AKR1B15: variants seen among roughly 807,000 people sequenced by gnomAD.
The protein encoded by AKR1B15 is estradiol 17-beta-dehydrogenase AKR1B15.
Under a neutral mutation model 38.5 loss-of-function variants are expected in AKR1B15, and 49 were observed. That is an observed-to-expected ratio of 1.27 (90% CI 1.01 to 1.62). The LOEUF (loss-of-function observed/expected upper bound fraction) is 1.62, where lower values mean the gene tolerates loss of function less well. AKR1B15 is among the 40% of genes most tolerant of loss of function. AKR1B15 has a pLI of 0.00. For synonymous variants in AKR1B15, 137 were observed against 135.5 expected, an observed-to-expected ratio of 1.01 and a Z score of -0.08; for missense variants, 411 against 381.6, an observed-to-expected ratio of 1.08 and a Z score of -0.64.
At chr7:134,575,010 C>T (rs2117668895) in intron 6 of AKR1B15, among the ~76,000 whole-genome samples, 1 of 152,330 alleles carries the variant, frequency 6.6e-6, no homozygotes, top group East Asian at 1.9e-4. Context: ...GTACAATGTA[C>T]ACACACAACA....
intron 1 of AKR1B15, among the ~76,000 whole-genome samples, chr7:134,553,088 T>A (rs1379282481): frequency 1.3e-5 from 2 of 152,244 alleles, no homozygotes; most frequent in East Asian, 3.9e-4. Context: ...ACCTAGGGTA[T>A]GAGACAAATG....
intron 2 of AKR1B15, among the ~76,000 whole-genome samples, chr7:134,561,495 C>T (rs1000800411): frequency 1.3e-5 from 2 of 152,178 alleles, no homozygotes; most frequent in African/African-American, 4.8e-5. Flanking sequence ...GTGTGAGACA[C>T]CATGCCCGGA....
At chr7:134,574,953 T>C (rs1169312485) in intron 6 of AKR1B15, among the ~76,000 whole-genome samples, 3 of 152,238 alleles carry the variant, frequency 2.0e-5, no homozygotes, top group Non-Finnish European at 4.4e-5. Context: ...GGCTTCTCCG[T>C]ATGCTGCAGC....
chr7:134,565,233 C>T (rs552821300), intron 3 of AKR1B15: 12 of 533,042 alleles, frequency 2.3e-5, no homozygotes, highest in African/African-American at 9.5e-5. Flanking sequence ...ACGATCACCA[C>T]GACAGTCTGC....
rs752952063 is a variant in AKR1B15, at chr7:134,568,371, A to G, written c.318+46A>G. 3.7e-6 allele frequency: 6 copies of G among 1,606,592 alleles called. No homozygotes were observed. The Admixed American group carries it at 5.1e-5, about 14-fold the overall frequency. ...GGGAGGCCTTCACTTCAAGGCAGGCAGAAGTATCTGGATCGGGTGGGCAGC... is the reference window on the plus strand; with the variant it reads ...GGGAGGCCTTCACTTCAAGGCAGGCGGAAGTATCTGGATCGGGTGGGCAGC... On this transcript the variant is annotated intron_variant, in intron 4 of 11. Coordinates refer to ENST00000457545, the MANE Select transcript of AKR1B15 (RefSeq NM_001080538.3).
At chr7:134,565,366 C>A in intron 3 of AKR1B15, 2 of 1,530,052 alleles carry the variant, frequency 1.3e-6, no homozygotes, top group Non-Finnish European at 1.8e-6. Flanking sequence ...TGTGAAGGTC[C>A]ACGGCTTCAT....
chr7:134,570,918 C>T (rs931590823), intron 5 of AKR1B15, among the ~76,000 whole-genome samples: 1 of 152,250 alleles, frequency 6.6e-6, no homozygotes, highest in African/African-American at 2.4e-5. Context: ...GTCTAGATTC[C>T]ATGCCCTGGG....
chr7:134,565,007 G>C (rs1794500955), intron 3 of AKR1B15: 1 of 350,118 alleles, frequency 2.9e-6, no homozygotes, highest in Admixed American at 4.3e-5. Flanking sequence ...TCTGTAACTA[G>C]CTAAAGGGTT....
At chr7:134,568,128 T>A in intron 3 of AKR1B15, 30 bp from the exon 4 acceptor site, 1 of 1,613,002 alleles carries the variant, frequency 6.2e-7, no homozygotes, top group South Asian at 1.1e-5. Context: ...AAAAAATACA[T>A]GTGTGATGGG....
intron 3 of AKR1B15, among the ~76,000 whole-genome samples, chr7:134,566,397 A>C (rs1006948919): frequency 6.6e-6 from 1 of 152,298 alleles, no homozygotes; most frequent in African/African-American, 2.4e-5. Flanking sequence ...TCCTGTACAC[A>C]TTGAAATCTG....
At chr7:134,551,985 C>T in intron 1 of AKR1B15, among the ~76,000 whole-genome samples, 1 of 152,160 alleles carries the variant, frequency 6.6e-6, no homozygotes, top group East Asian at 1.9e-4. Flanking sequence ...TGTACGCTTC[C>T]TAATTGACAC....
intron 10 of AKR1B15, among the ~76,000 whole-genome samples, chr7:134,577,380 A>G (rs1378782607): frequency 3.9e-5 from 6 of 152,246 alleles, no homozygotes; most frequent in Admixed American, 1.3e-4. Context: ...CTCACCTCCC[A>G]GCAGCAGAGG....
At chr7:134,569,277 G>A (rs3792574) in intron 4 of AKR1B15, 136 bp from the exon 5 acceptor site, 496,186 of 971,614 alleles carry the variant, frequency 0.51, 128,243 homozygotes, top group African/African-American at 0.59. Context: ...ACACTGCATC[G>A]TGGATCTTAA....
intron 9 of AKR1B15, 119 bp downstream of exon 9, chr7:134,576,549 C>A (rs1183485654): frequency 8.2e-7 from 1 of 1,218,328 alleles, no homozygotes; most frequent in East Asian, 2.5e-5. Flanking sequence ...CTGAAGCCCT[C>A]TAAAGTATTT....
At chr7:134,551,723 C>G (rs1793985130) in intron 1 of AKR1B15, among the ~76,000 whole-genome samples, 1 of 152,136 alleles carries the variant, frequency 6.6e-6, no homozygotes, top group Admixed American at 6.5e-5. Context: ...AGAGCACTGA[C>G]CAGGGGACCC....
intron 3 of AKR1B15, chr7:134,565,233 C>G: frequency 1.9e-6 from 1 of 533,042 alleles, no homozygotes; most frequent in Non-Finnish European, 3.3e-6. Flanking sequence ...ACGATCACCA[C>G]GACAGTCTGC....
chr7:134,560,998 T>C (rs181655613), intron 2 of AKR1B15, among the ~76,000 whole-genome samples: 228 of 152,340 alleles, frequency 1.5e-3, no homozygotes, highest in African/African-American at 5.3e-3. Context: ...ACACATAGTT[T>C]ACTGTGGCAT....
intron 9 of AKR1B15, 150 bp downstream of exon 9, chr7:134,576,580 C>A: frequency 2.2e-6 from 2 of 921,772 alleles, no homozygotes; most frequent in Non-Finnish European, 1.6e-6. Flanking sequence ...CTGTTGGAAC[C>A]TCTAGGAAAC....
intron 6 of AKR1B15, among the ~76,000 whole-genome samples, chr7:134,572,314 A>G (rs1408477734): frequency 6.6e-6 from 1 of 152,208 alleles, no homozygotes; most frequent in Non-Finnish European, 1.5e-5. Context: ...AACCACCAAA[A>G]CCATCAGCAT....
Sources: allele counts gnomAD v4.1 joint callset (sites outside exome capture counted in the v4.1 genomes callset), GRCh38; gene constraint gnomAD v4.1.1; transcripts MANE v1.5; gene names NCBI Gene and HGNC (gene_info 2026-07-23, HGNC 2026-07-21).